DNAJA4: variants seen among roughly 807,000 people sequenced by gnomAD.
The protein encoded by DNAJA4 is dnaJ homolog subfamily A member 4.
Under a neutral mutation model 39.7 loss-of-function variants are expected in DNAJA4, and 32 were observed. The observed-to-expected ratio is 0.81, with a 90% confidence interval of 0.61 to 1.08. The LOEUF is 1.08. Among genes scored for constraint, DNAJA4 ranks in the 50% least tolerant of loss-of-function variants. The pLI, the probability that DNAJA4 is intolerant of heterozygous loss-of-function variation, is 0.00. For missense variants in DNAJA4, 439 were observed against 505.1 expected, an observed-to-expected ratio of 0.87 and a Z score of 1.25; for synonymous variants, 184 against 182.4, an observed-to-expected ratio of 1.01 and a Z score of -0.07.
intron 2 of DNAJA4, 59 bp downstream of exon 2, chr15:78,270,736 T>C (rs552101070): frequency 1.3e-6 from 2 of 1,564,762 alleles, no homozygotes; most frequent in Admixed American, 1.7e-5. Flanking sequence ...ATACGTGTTG[T>C]TGGAATCAGG....
In DNAJA4 at chr15:78,280,964, T is replaced by C. The variant is rs2049638385; in HGVS notation, c.*504T>C. 6.4e-6 allele frequency: 1 copy of C among 155,904 alleles called. No individual in the cohort carries two copies. The highest frequency in any genetic ancestry group is 2.4e-5 in the African/African-American group (1 of 41,454). The allele number at this position is 155,904 out of a possible 1,614,324, so 9.7% of individuals were successfully genotyped here. The stretch of plus-strand genomic sequence containing the variant: ...TTCTGAGGATTCTAGATGATCCTCT[T>C]AAAGAATAAAAGCACATCCGTGGAT... On this transcript the variant is annotated 3_prime_UTR_variant, in exon 7 of 7. Coordinates refer to ENST00000394852, the MANE Select transcript of DNAJA4 (RefSeq NM_001130182.2).
chr15:78,275,462 A>G lies in DNAJA4; in HGVS notation c.647-36A>G. On this transcript the variant is annotated intron_variant, in intron 4 of 6. Coordinates refer to ENST00000394852, the MANE Select transcript of DNAJA4 (RefSeq NM_001130182.2). ...GCTTTAAGGAAGCATGGTTTGTATGAGAAATGGCTAATCAGAAAGGGATGA... is the reference window on the plus strand; with the variant it reads ...GCTTTAAGGAAGCATGGTTTGTATGGGAAATGGCTAATCAGAAAGGGATGA... 3.3e-6 allele frequency: 5 copies of G among 1,538,330 alleles called. 1 individual carries two copies. The highest frequency in any genetic ancestry group is 4.5e-6 in the Non-Finnish European group (5 of 1,114,492).
Position 78,274,546 on chromosome 15 carries a change from A to G in DNAJA4, c.646+122A>G, listed in dbSNP as rs767036580. 3 of 834,078 alleles carry G rather than the reference A, an allele frequency of 3.6e-6. No homozygotes were observed. In the South Asian group the frequency reaches 4.8e-5, roughly 13 times the overall value. The allele number at this position is 834,078 out of a possible 1,614,324, so 51.7% of individuals were successfully genotyped here. A position where few individuals can be genotyped will look rare whatever the true frequency, so the allele number is the denominator to read the frequency against. On this transcript the variant is annotated intron_variant, in intron 4 of 6. Transcript: ENST00000394852. ...TATCACAACATGTATTGGGTGTGCC[A>G]TGAATTCCTCTTGTTTCCCAGTCTT...
At position 78,282,008 on chromosome 15, in the gene DNAJA4, T is replaced by G. The variant is rs1019902041; in HGVS notation, c.*1548T>G. ...TCTATTTATAAATGGACCACAACTC[T>G]GGGGTGTCGTTTTTGTGCTGTGACT... is the stretch of plus-strand genomic sequence containing the variant. On this transcript the variant is annotated 3_prime_UTR_variant, in exon 7 of 7. Transcript: ENST00000394852. 2 of 152,194 alleles carry G rather than the reference T, an allele frequency of 1.3e-5. No individual in the cohort carries two copies. Among genetic ancestry groups the G allele is most frequent in the African/African-American group, 4.8e-5 (2 of 41,458 alleles). 9.4% of individuals were successfully genotyped at this position (152,194 alleles called of 1,614,324 possible).
chr15:78,267,082 C>T (rs2049142950), intron 1 of DNAJA4, among the ~76,000 whole-genome samples: 1 of 151,598 alleles, frequency 6.6e-6, no homozygotes, highest in Non-Finnish European at 1.5e-5. Context: ...AATACCTCCT[C>T]TTCTGGTCCC....
rs1221390196 is a variant in DNAJA4 at position 78,279,278 on chromosome 15, TTCTG to T, written c.878-763_878-760del. On this transcript the variant is annotated intron_variant, in intron 5 of 6. Coordinates refer to ENST00000394852, the MANE Select transcript of DNAJA4 (RefSeq NM_001130182.2). The surrounding 1 kb of genome is among the most constrained non-coding windows in gnomAD (Gnocchi z 4.5). The stretch of plus-strand genomic sequence containing the variant: ...TCCCCCATTTTTTCCGAACATTTCT[TTCTG>T]TCTTTGTCCATTTTCATCGCTGAGC... The T allele has an allele frequency of 6.6e-6, 1 of 152,082 alleles. No individual in the cohort carries two copies. The highest frequency in any genetic ancestry group is 6.6e-5 in the Admixed American group (1 of 15,266). The allele number at this position is 152,082 out of a possible 1,614,324, so 9.4% of individuals were successfully genotyped here. A position where few individuals can be genotyped will look rare whatever the true frequency, so the allele number is the denominator to read the frequency against.
At chr15:78,277,008 C>T (rs1383826196) in intron 5 of DNAJA4, among the ~76,000 whole-genome samples, 1 of 152,182 alleles carries the variant, frequency 6.6e-6, no homozygotes, top group Non-Finnish European at 1.5e-5. Context: ...ATATCCAAGC[C>T]TTGATCGGTT....
chr15:78,264,261 A>C, upstream of DNAJA4: 7 of 1,226,128 alleles, frequency 5.7e-6, no homozygotes, highest in Non-Finnish European at 7.4e-6. Context: ...GGGCGGCGGG[A>C]CAGTTGTCGG....
chr15:78,266,230 G>C (rs762981880), intron 1 of DNAJA4: 3 of 1,613,594 alleles, frequency 1.9e-6, no homozygotes, highest in Non-Finnish European at 2.5e-6. Context: ...ATTTCAGCAA[G>C]CTGGCTAAAG....
rs2049431613 is a variant in DNAJA4 at position 78,275,583 on chromosome 15, T to C, written c.732T>C (p.Leu244=). 6.2e-7 allele frequency: 1 copy of C among 1,614,090 alleles called. No homozygotes were observed. Among genetic ancestry groups the C allele is most frequent in the South Asian group, 1.1e-5 (1 of 91,084 alleles). The change falls in exon 5 of 7, where the codon CTT becomes CTC. Residue 244 remains leucine, a synonymous_variant. Transcript: ENST00000394852. The part of the protein sequence containing the change: ...ELEPGDVIIV[L]DQKDHSVFQR... ...AGCCTGGTGATGTCATAATTGTGCT[T>C]GATCAGAAGGATCATAGTGTCTTTC...
intron 1 of DNAJA4, 87 bp from the exon 2 acceptor site, chr15:78,270,410 C>G: frequency 7.1e-7 from 1 of 1,413,930 alleles, no homozygotes; most frequent in Non-Finnish European, 9.7e-7. Flanking sequence ...CAGAATACCT[C>G]TATTACTTTG....
At chr15:78,277,780 G>A in intron 5 of DNAJA4, 1 of 341,532 alleles carries the variant, frequency 2.9e-6, no homozygotes, top group Non-Finnish European at 5.7e-6. Flanking sequence ...GCCAAATGGA[G>A]TGAGGGTGGT....
At chr15:78,267,157 TGTATGTGA>T (rs1156748553) in intron 1 of DNAJA4, among the ~76,000 whole-genome samples, 2 of 149,244 alleles carry the variant, frequency 1.3e-5, no homozygotes, top group Admixed American at 6.6e-5. Flanking sequence ...TGTGTGAGTG[TGTATGTGA>T]GTGTGTGAGT....
chr15:78,264,483 C>T, upstream of DNAJA4: 2 of 1,261,690 alleles, frequency 1.6e-6, no homozygotes, highest in Non-Finnish European at 2.0e-6. Context: ...AGGTTCTAGG[C>T]CTTTGTGGCG....
intron 2 of DNAJA4, among the ~76,000 whole-genome samples, chr15:78,271,315 C>T (rs1028548092): frequency 3.3e-5 from 5 of 152,110 alleles, no homozygotes; most frequent in East Asian, 3.8e-4. Context: ...ATGTAGATGA[C>T]GCCGCCTGTG....
At chr15:78,267,841 G>C (rs955830753) in intron 1 of DNAJA4, among the ~76,000 whole-genome samples, 1 of 152,102 alleles carries the variant, frequency 6.6e-6, no homozygotes, top group Non-Finnish European at 1.5e-5. Context: ...CTTTTCCCAA[G>C]TTGTTACGTA....
rs764367716 is a variant in DNAJA4 at position 78,270,490 on chromosome 15, T to C, written c.133-7T>C. 22 of 1,604,392 alleles carry C rather than the reference T, an allele frequency of 1.4e-5. No homozygotes were observed. The East Asian group carries it at 4.5e-4, about 33-fold the overall frequency. On this transcript the variant is annotated splice_polypyrimidine_tract_variant and splice_region_variant and intron_variant, in intron 1 of 6. Transcript: ENST00000394852. The stretch of plus-strand genomic sequence containing the variant: ...TCTAAAAATCTCTCTCTCTCTCTCT[T>C]TTAAAGTTTAAACTCATATCCCAGG...
intron 6 of DNAJA4, 26 bp downstream of exon 6, chr15:78,280,171 T>C: frequency 6.2e-7 from 1 of 1,612,374 alleles, no homozygotes. Flanking sequence ...TTCATTGTCA[T>C]GGACATATTA....
chr15:78,274,441 C>G lies in DNAJA4; in HGVS notation c.646+17C>G. Reference sequence around the variant, plus strand: ...TTGAAAAAGGTGAGGCTGCGCAGAGCTGGTGCTCCACACGGGCTGGAAATG... The same window carrying G: ...TTGAAAAAGGTGAGGCTGCGCAGAGGTGGTGCTCCACACGGGCTGGAAATG... On this transcript the variant is annotated intron_variant, in intron 4 of 6. Transcript: ENST00000394852. The G allele has an allele frequency of 6.2e-7, 1 of 1,610,344 alleles. No individual in the cohort carries two copies. Among genetic ancestry groups the G allele is most frequent in the Admixed American group, 1.7e-5 (1 of 60,006 alleles).
Sources: allele counts gnomAD v4.1 joint callset (sites outside exome capture counted in the v4.1 genomes callset), GRCh38; gene constraint gnomAD v4.1.1; non-coding constraint Gnocchi (gnomAD v3.1); transcripts MANE v1.5; gene names NCBI Gene and HGNC (gene_info 2026-07-23, HGNC 2026-07-21).